Variants in CSMD1 observed in about 807,000 individuals in gnomAD.
The protein encoded by CSMD1 is CUB and Sushi multiple domains 1.
A neutral mutation model predicts 417.5 loss-of-function variants in CSMD1; 213 were observed. The observed-to-expected ratio is 0.51, with a 90% CI of 0.46 to 0.57. The LOEUF (loss-of-function observed/expected upper bound fraction) is 0.57. Among genes scored for constraint, CSMD1 ranks in the 20% least tolerant of loss-of-function variants. The pLI is 0.00. For missense variants in CSMD1, 6,923 were observed against 4,529.7 expected (o/e 1.53, Z -15.17); for synonymous variants, 2,862 against 1,736.8 (o/e 1.65, Z -16.11).
At chr8:4,509,891 G>A (rs1036556984) in intron 2 of CSMD1, among the ~76,000 whole-genome samples, 1 of 152,142 alleles carries the variant, frequency 6.6e-6, no homozygotes, top group African/African-American at 2.4e-5. Context: ...CTGTCGCCCT[G>A]ACAGGGTGTT....
intron 3 of CSMD1, among the ~76,000 whole-genome samples, chr8:4,303,422 GTTTTTTTTTTTTTTTTTT>G (rs71511194): frequency 1.7e-3 from 149 of 85,242 alleles, no homozygotes; most frequent in Non-Finnish European, 2.6e-3. Flanking sequence ...GCAGGAAGCT[GTTTTTTTTTTTTTTTTTT>G]TTTTTTTTTT....
intron 5 of CSMD1, among the ~76,000 whole-genome samples, chr8:3,794,874 T>TCTCA (rs1799955994): frequency 6.6e-6 from 1 of 151,348 alleles, no homozygotes; most frequent in Non-Finnish European, 1.5e-5. Flanking sequence ...ACCAATGATC[T>TCTCA]CTCTCTCTCT....
At chr8:4,951,160 C>G (rs1392541108) in intron 1 of CSMD1, among the ~76,000 whole-genome samples, 3 of 152,104 alleles carry the variant, frequency 2.0e-5, no homozygotes, top group Admixed American at 6.6e-5. Context: ...GTTTCTGCAT[C>G]ACTCCTTGCC....
chr8:4,531,106 G>A (rs576769032), intron 2 of CSMD1, among the ~76,000 whole-genome samples: 2 of 152,190 alleles, frequency 1.3e-5, no homozygotes, highest in East Asian at 1.9e-4. Flanking sequence ...CTGAATCATC[G>A]CGAGTAGAAT....
rs181965047 is a variant in CSMD1, at chr8:3,452,031, C to T, written c.1561+16681G>A. Among the ~76,000 whole-genome samples the T allele has an allele frequency of 7.5e-3, 1,142 of 152,296 alleles. 4 individuals carry two copies. Among genetic ancestry groups the T allele is most frequent in the Middle Eastern group, 0.014 (4 of 292 alleles). On this transcript the variant is annotated intron_variant, in intron 12 of 69. Transcript: ENST00000635120. ...TAGTTCTCCTCGAAGAGGTCCTTCA[C>T]ATCCCTTGTAAGTTGGATTCCTAGG...
At chr8:4,677,930 G>C (rs1462103073) in intron 1 of CSMD1, among the ~76,000 whole-genome samples, 3 of 152,044 alleles carry the variant, frequency 2.0e-5, no homozygotes, top group Non-Finnish European at 4.4e-5. Flanking sequence ...TGATTCCGTA[G>C]GTATAAAACA....
At chr8:3,635,541 T>C (rs1204440178) in intron 7 of CSMD1, among the ~76,000 whole-genome samples, 1 of 145,972 alleles carries the variant, frequency 6.9e-6, no homozygotes, top group Non-Finnish European at 1.5e-5. Flanking sequence ...TGGAGTGCAG[T>C]GGCGCGATCT....
At chr8:4,006,934 T>A (rs776797429) in intron 4 of CSMD1, among the ~76,000 whole-genome samples, 1 of 149,940 alleles carries the variant, frequency 6.7e-6, no homozygotes, top group African/African-American at 2.5e-5. Context: ...TTCAAGCGAT[T>A]CTCCTGCTTC....
chr8:4,167,293 A>G (rs965623390), intron 3 of CSMD1, among the ~76,000 whole-genome samples: 14 of 152,202 alleles, frequency 9.2e-5, no homozygotes, highest in South Asian at 2.1e-4. Context: ...ATTCGTGTCT[A>G]TAACAGAAAG....
intron 2 of CSMD1, among the ~76,000 whole-genome samples, chr8:4,513,491 C>A (rs999193342): frequency 1.3e-5 from 2 of 152,104 alleles, no homozygotes; most frequent in Non-Finnish European, 2.9e-5. Flanking sequence ...GATGAAATGT[C>A]GGACTGTAAC....
chr8:4,472,737 C>T (rs1800605150), intron 2 of CSMD1, among the ~76,000 whole-genome samples: 1 of 151,902 alleles, frequency 6.6e-6, no homozygotes, highest in Non-Finnish European at 1.5e-5. Context: ...ACTTTCATAA[C>T]TGTGGACGTT....
At chr8:3,984,102 T>TCAACTCTAG (rs1563283872) in intron 5 of CSMD1, among the ~76,000 whole-genome samples, 2 of 88,730 alleles carry the variant, frequency 2.3e-5, no homozygotes, top group African/African-American at 8.1e-5. Flanking sequence ...GGGCTGTCAA[T>TCAACTCTAG]AGCAACTCTA....
intron 1 of CSMD1, among the ~76,000 whole-genome samples, chr8:4,920,843 A>AAAGAG (rs1223447361): frequency 0.011 from 9 of 786 alleles, 2 homozygotes; most frequent in African/African-American, 0.032. Context: ...AAAGAGAACG[A>AAAGAG]AAGAAAAGAA....
intron 29 of CSMD1, among the ~76,000 whole-genome samples, chr8:3,216,034 T>A (rs1373692882): frequency 2.0e-5 from 3 of 149,038 alleles, no homozygotes; most frequent in Non-Finnish European, 4.5e-5. Context: ...TTACATACTT[T>A]GATTAAATCT....
intron 50 of CSMD1, 101 bp from the exon 51 acceptor site, chr8:3,029,614 T>G: frequency 2.0e-6 from 2 of 1,008,644 alleles, no homozygotes; most frequent in Admixed American, 2.5e-5. Flanking sequence ...AAACTGATCT[T>G]GTTTGGCAAA....
chr8:3,221,095 G>C (rs188747405), intron 28 of CSMD1, among the ~76,000 whole-genome samples: 2 of 152,088 alleles, frequency 1.3e-5, no homozygotes, highest in Non-Finnish European at 2.9e-5. Context: ...CTGGAGATTC[G>C]GATGATAAAA....
intron 3 of CSMD1, among the ~76,000 whole-genome samples, chr8:4,053,637 C>A (rs1423450075): frequency 6.6e-6 from 1 of 152,098 alleles, no homozygotes; most frequent in Non-Finnish European, 1.5e-5. Context: ...ATTTGTCTTG[C>A]ATAGAGTGTC....
chr8:4,047,417 T>C (rs79193431), intron 3 of CSMD1, among the ~76,000 whole-genome samples: 13,888 of 152,184 alleles, frequency 0.091, 801 homozygotes, highest in Middle Eastern at 0.17. Context: ...AAAAAATAAA[T>C]TGAAATTAAA....
In CSMD1 at chr8:4,944,945, T is replaced by C. The variant is rs62488203; in HGVS notation, c.85+49387A>G. 4.5e-3 allele frequency among the ~76,000 whole-genome samples: 681 copies of C among 152,216 alleles called. 3 individuals carry two copies. Among genetic ancestry groups the C allele is most frequent in the Non-Finnish European group, 7.7e-3 (522 of 68,028 alleles). On this transcript the variant is annotated intron_variant, in intron 1 of 69. Transcript: ENST00000635120. The stretch of plus-strand genomic sequence containing the variant: ...CGACATCAGGGTCTCACAGAGATAT[T>C]TGCATGTCCACGTGTGTATCAGAGC...
Sources: gnomAD v4.1 joint callset for allele counts (sites outside exome capture counted in the v4.1 genomes callset) on GRCh38, gnomAD v4.1.1 for gene constraint, MANE v1.5 for transcripts, NCBI Gene and HGNC (gene_info 2026-07-23, HGNC 2026-07-21) for gene names.